Variants in GLE1 observed in about 807,000 individuals in gnomAD.
The protein encoded by GLE1 is GLE1 RNA export mediator.
A neutral mutation model predicts 97.3 loss-of-function variants in GLE1; 78 were observed. The ratio of observed to expected loss-of-function variants is 0.80; its 90% CI spans 0.67 to 0.97. The LOEUF (loss-of-function observed/expected upper bound fraction) is 0.97, where lower values mean the gene tolerates loss of function less well. Ranked by LOEUF, GLE1 falls within the 50% of genes least tolerant of loss-of-function variation. The pLI is 0.00. For missense variants in GLE1, 753 were observed against 857.5 expected (o/e 0.88, Z 1.52); for synonymous variants, 302 against 313.4 (o/e 0.96, Z 0.39).
intron 9 of GLE1, among the ~76,000 whole-genome samples, chr9:128,529,692 C>T (rs1474838985): frequency 6.6e-6 from 1 of 151,716 alleles, no homozygotes; most frequent in Non-Finnish European, 1.5e-5. Flanking sequence ...CCTTTCCTCT[C>T]TCTCTCTCCC....
In GLE1 at chr9:128,504,795, CT is replaced by C; in HGVS notation, c.-9del. The C allele has an allele frequency of 6.3e-7, 1 of 1,586,684 alleles. No individual in the cohort carries two copies. The highest frequency in any genetic ancestry group is 8.7e-7 in the Non-Finnish European group (1 of 1,155,116). ...AAGGGGGGCGTCAGAGAAGCTGCCC[CT>C]TAGCCAACCATGCCGTCTGAGGGTC... On this transcript the variant is annotated 5_prime_UTR_variant, in exon 1 of 16. Coordinates refer to ENST00000309971, the MANE Select transcript of GLE1 (RefSeq NM_001003722.2).
At chr9:128,539,842 C>G in intron 14 of GLE1, 144 bp downstream of exon 14, 1 of 1,538,198 alleles carries the variant, frequency 6.5e-7, no homozygotes, top group South Asian at 1.2e-5. Flanking sequence ...TCCAGTCCCT[C>G]TCGTTGATAT....
intron 15 of GLE1, chr9:128,540,846 T>C (rs1368257502): frequency 2.3e-5 from 12 of 511,236 alleles, no homozygotes; most frequent in African/African-American, 1.3e-4. Context: ...AAAATAGTGA[T>C]TGTGAAAGAT....
rs376983657 is a variant in GLE1 at position 128,504,789 on chromosome 9, C to G, written c.-17C>G. 59 of 1,539,514 alleles carry G rather than the reference C, an allele frequency of 3.8e-5. No individual in the cohort carries two copies. The highest frequency in any genetic ancestry group is 2.0e-5 in the Non-Finnish European group (22 of 1,112,408). ...GGTCAGAAGGGGGGCGTCAGAGAAGCTGCCCCTTAGCCAACCATGCCGTCT... is the reference window on the plus strand; with the variant it reads ...GGTCAGAAGGGGGGCGTCAGAGAAGGTGCCCCTTAGCCAACCATGCCGTCT... On this transcript the variant is annotated 5_prime_UTR_variant, in exon 1 of 16. Coordinates refer to ENST00000309971, the MANE Select transcript of GLE1 (RefSeq NM_001003722.2).
intron 2 of GLE1, 105 bp downstream of exon 2, chr9:128,509,202 C>T: frequency 1.3e-6 from 1 of 760,740 alleles, no homozygotes; most frequent in Non-Finnish European, 2.4e-6. Flanking sequence ...ATAATGATTG[C>T]TCATTGTTGT....
At chr9:128,513,299 C>T (rs116131913) in intron 2 of GLE1, among the ~76,000 whole-genome samples, 7 of 152,100 alleles carry the variant, frequency 4.6e-5, no homozygotes, top group African/African-American at 1.7e-4. Flanking sequence ...CTCCATTTCT[C>T]AGTTATTGGT....
intron 9 of GLE1, among the ~76,000 whole-genome samples, chr9:128,530,908 C>CAA (rs1389989317): frequency 9.9e-6 from 1 of 101,306 alleles, no homozygotes; most frequent in Admixed American, 1.1e-4. Flanking sequence ...GATTCCGTCT[C>CAA]AAAAAAAAAA....
At position 128,509,111 on chromosome 9, in the gene GLE1, C is replaced by G; in HGVS notation, c.321+14C>G. 6.8e-7 allele frequency: 1 copy of G among 1,467,752 alleles called. No homozygotes were observed. Among genetic ancestry groups the G allele is most frequent in the Non-Finnish European group, 9.6e-7 (1 of 1,046,502 alleles). The allele number at this position is 1,467,752 out of a possible 1,614,324, so 90.9% of individuals were successfully genotyped here. A position where few individuals can be genotyped will look rare whatever the true frequency, so the allele number is the denominator to read the frequency against. On this transcript the variant is annotated intron_variant, in intron 2 of 15. Coordinates refer to ENST00000309971, the MANE Select transcript of GLE1 (RefSeq NM_001003722.2). ...AATGGAACCAAGGTAAGGTTGTGAT[C>G]AGCTTAAGACAAAAGACATGGTGGC...
At chr9:128,515,708 G>A (rs570703239) in intron 3 of GLE1, 69 bp downstream of exon 3, 52 of 800,398 alleles carry the variant, frequency 6.5e-5, no homozygotes, top group South Asian at 5.3e-4. Context: ...TCCCCAGGGC[G>A]TAGGAATGGG....
Position 128,504,801 on chromosome 9 carries a change from C to G in GLE1, c.-5C>G. ...GGCGTCAGAGAAGCTGCCCCTTAGC[C>G]AACCATGCCGTCTGAGGGTCGCTGC... On this transcript the variant is annotated 5_prime_UTR_variant, in exon 1 of 16. Coordinates refer to ENST00000309971, the MANE Select transcript of GLE1 (RefSeq NM_001003722.2). The G allele has an allele frequency of 6.3e-7, 1 of 1,599,782 alleles. No individual in the cohort carries two copies. The highest frequency in any genetic ancestry group is 8.6e-7 in the Non-Finnish European group (1 of 1,166,958).
At chr9:128,505,573 A>G (rs1326406555) in intron 1 of GLE1, among the ~76,000 whole-genome samples, 1 of 152,218 alleles carries the variant, frequency 6.6e-6, no homozygotes, top group African/African-American at 2.4e-5. Context: ...CTGCCAGCAT[A>G]TGTGCTTTCA....
At chr9:128,513,049 T>C (rs1413702569) in intron 2 of GLE1, among the ~76,000 whole-genome samples, 1 of 152,176 alleles carries the variant, frequency 6.6e-6, no homozygotes, top group Non-Finnish European at 1.5e-5. Context: ...TCACATTATT[T>C]AGGAATTTTT....
intron 2 of GLE1, among the ~76,000 whole-genome samples, chr9:128,510,640 T>C (rs1266001489): frequency 2.6e-5 from 4 of 151,078 alleles, no homozygotes; most frequent in Non-Finnish European, 5.9e-5. Flanking sequence ...GCGGTTCTTC[T>C]GCCTCAGCCT....
Position 128,527,663 on chromosome 9 carries a change from C to T in GLE1, c.1312+138C>T. On this transcript the variant is annotated intron_variant, in intron 9 of 15. Transcript: ENST00000309971. ...AGTTGGATCGGGTACATATAAGTGA[C>T]ATACATCTTGTTTCCCTGATATAAT... 4.3e-6 allele frequency: 3 copies of T among 705,280 alleles called. No individual in the cohort carries two copies. In the South Asian group the frequency reaches 4.5e-5, roughly 11 times the overall value. The allele number at this position is 705,280 out of a possible 1,614,324, so 43.7% of individuals were successfully genotyped here.
chr9:128,510,298 A>G lies in GLE1; in HGVS notation c.321+1201A>G, dbSNP rs188981271. On this transcript the variant is annotated intron_variant, in intron 2 of 15. Transcript: ENST00000309971. ...GGCTGGAGTGCAGTGACGCAATTTCAGCTCACTGCAACTTCCGCCTCCCGG... is the reference window on the plus strand; with the variant it reads ...GGCTGGAGTGCAGTGACGCAATTTCGGCTCACTGCAACTTCCGCCTCCCGG... Among the ~76,000 whole-genome samples, 1,297 of 149,438 alleles carry G rather than the reference A, an allele frequency of 8.7e-3. 22 individuals are homozygous for G. The highest frequency in any genetic ancestry group is 0.03 in the African/African-American group (1,203 of 40,534).
At chr9:128,520,356 A>G (rs1404142552) in intron 3 of GLE1, among the ~76,000 whole-genome samples, 1 of 147,532 alleles carries the variant, frequency 6.8e-6, no homozygotes, top group Non-Finnish European at 1.5e-5. Flanking sequence ...GTATATATGT[A>G]TGTGTGTATA....
chr9:128,527,054 A>G, intron 7 of GLE1, 125 bp from the exon 8 acceptor site: 1 of 701,412 alleles, frequency 1.4e-6, no homozygotes, highest in Non-Finnish European at 2.6e-6. Flanking sequence ...AATAGTATCT[A>G]TTTCATAGTT....
intron 3 of GLE1, among the ~76,000 whole-genome samples, chr9:128,520,561 G>A (rs1320024491): frequency 2.0e-5 from 3 of 151,652 alleles, no homozygotes; most frequent in Non-Finnish European, 2.9e-5. Context: ...ACATTTAGCC[G>A]GTAGCTCCGT....
intron 1 of GLE1, among the ~76,000 whole-genome samples, chr9:128,505,798 C>A (rs750474914): frequency 3.9e-5 from 6 of 152,110 alleles, no homozygotes; most frequent in Non-Finnish European, 8.8e-5. Flanking sequence ...GTAATAATAC[C>A]AGTATCCTTT....
Sources: gnomAD v4.1 joint callset for allele counts (sites outside exome capture counted in the v4.1 genomes callset) on GRCh38, gnomAD v4.1.1 for gene constraint, MANE v1.5 for transcripts, NCBI Gene and HGNC (gene_info 2026-07-23, HGNC 2026-07-21) for gene names.